INPP4B: variants seen among roughly 807,000 people sequenced by gnomAD.
INPP4B encodes the protein inositol polyphosphate 4-phosphatase type II.
INPP4B carries 55 observed loss-of-function variants against 122.5 expected under a neutral mutation model. The observed-to-expected ratio is 0.45, with a 90% CI of 0.36 to 0.56. The LOEUF (loss-of-function observed/expected upper bound fraction) is 0.56. Among genes scored for constraint, INPP4B ranks in the 20% least tolerant of loss-of-function variants. INPP4B has a pLI of 0.00. For missense variants in INPP4B, 1,000 were observed against 1,097.7 expected, an observed-to-expected ratio of 0.91 and a Z score of 1.26; for synonymous variants, 403 against 388.7, an observed-to-expected ratio of 1.04 and a Z score of -0.43.
chr4:142,590,959 A>G (rs2150247064), intron 2 of INPP4B, among the ~76,000 whole-genome samples: 1 of 151,988 alleles, frequency 6.6e-6, no homozygotes, highest in Non-Finnish European at 1.5e-5. Context: ...GGATGTGAAA[A>G]GAAGTATAGA....
At chr4:142,203,392 T>C (rs1251695960) in intron 14 of INPP4B, among the ~76,000 whole-genome samples, 1 of 152,044 alleles carries the variant, frequency 6.6e-6, no homozygotes, top group Non-Finnish European at 1.5e-5. Context: ...CTATTGTATA[T>C]CTATAGCATA....
chr4:142,357,110 T>G (rs769852106), intron 7 of INPP4B, among the ~76,000 whole-genome samples: 4 of 152,042 alleles, frequency 2.6e-5, no homozygotes, highest in Non-Finnish European at 5.9e-5. Flanking sequence ...TAAAATATCC[T>G]TTGTGATAAA....
chr4:142,572,785 G>C (rs1733102212), intron 2 of INPP4B, among the ~76,000 whole-genome samples: 1 of 151,790 alleles, frequency 6.6e-6, no homozygotes, highest in Non-Finnish European at 1.5e-5. Context: ...ATGTTTATGA[G>C]TACCATAATT....
At chr4:142,541,468 C>T (rs1246746958) in intron 2 of INPP4B, among the ~76,000 whole-genome samples, 1 of 152,140 alleles carries the variant, frequency 6.6e-6, no homozygotes, top group East Asian at 1.9e-4. Flanking sequence ...AATGCACAAA[C>T]CCCTAGGGAT....
intron 2 of INPP4B, chr4:142,514,310 T>C (rs1291168378): frequency 6.6e-6 from 1 of 152,208 alleles, no homozygotes. Flanking sequence ...GAAAGCCACT[T>C]AGAAGCCAAT....
chr4:142,237,463 C>T (rs1857160211), intron 12 of INPP4B, among the ~76,000 whole-genome samples: 1 of 151,782 alleles, frequency 6.6e-6, no homozygotes, highest in African/African-American at 2.4e-5. Context: ...TTATATAACC[C>T]CAATATATCC....
intron 1 of INPP4B, among the ~76,000 whole-genome samples, chr4:142,736,172 T>G (rs1190971409): frequency 6.6e-6 from 1 of 152,078 alleles, no homozygotes; most frequent in Non-Finnish European, 1.5e-5. Context: ...TGAGTCAGAT[T>G]CTTCATTTCA....
Position 142,425,874 on chromosome 4 carries a change from C to A in INPP4B, c.136+3299G>T, listed in dbSNP as rs562401438. Among the ~76,000 whole-genome samples the A allele has an allele frequency of 2.4e-4, 37 of 152,058 alleles. No homozygotes were observed. In the South Asian group the frequency reaches 7.7e-3, roughly 32 times the overall value. On this transcript the variant is annotated intron_variant, in intron 5 of 25. Transcript: ENST00000262992. ...TAATGCTTTCACTCTAGCTTCCAAG[C>A]CCCCATTCGTATCACAATCAACCCC...
intron 7 of INPP4B, among the ~76,000 whole-genome samples, chr4:142,377,630 G>A (rs1441501512): frequency 1.3e-5 from 2 of 151,984 alleles, no homozygotes; most frequent in African/African-American, 4.8e-5. Flanking sequence ...TGAGAATCAG[G>A]TATCAAAATG....
intron 2 of INPP4B, among the ~76,000 whole-genome samples, chr4:142,597,611 G>C (rs1159834868): frequency 6.6e-6 from 1 of 152,118 alleles, no homozygotes; most frequent in African/African-American, 2.4e-5. Flanking sequence ...AATCAGACAT[G>C]CTGCATATAA....
chr4:142,306,042 G>T, intron 8 of INPP4B: 1 of 512,388 alleles, frequency 2.0e-6, no homozygotes, highest in South Asian at 8.2e-5. Context: ...ATGTTTAAAA[G>T]CATTTTTCCT....
At chr4:142,167,086 T>A (rs974224232) in intron 16 of INPP4B, among the ~76,000 whole-genome samples, 15 of 151,912 alleles carry the variant, frequency 9.9e-5, no homozygotes, top group African/African-American at 3.6e-4. Context: ...TAAAGATACA[T>A]GCTCATGTAT....
intron 20 of INPP4B, 130 bp downstream of exon 20, chr4:142,123,162 A>G: frequency 1.4e-6 from 1 of 729,362 alleles, no homozygotes; most frequent in Non-Finnish European, 2.1e-6. Context: ...AAAAACTGAA[A>G]GTTATATTAT....
chr4:142,074,226 T>C (rs564475063), intron 25 of INPP4B, among the ~76,000 whole-genome samples: 1 of 152,290 alleles, frequency 6.6e-6, no homozygotes, highest in African/African-American at 2.4e-5. Flanking sequence ...AAACCTTTCA[T>C]AATTTGCAAT....
chr4:142,041,488 G>A (rs1420890781), intron 25 of INPP4B, among the ~76,000 whole-genome samples: 1 of 151,764 alleles, frequency 6.6e-6, no homozygotes, highest in African/African-American at 2.4e-5. Context: ...CTTGGTGGCG[G>A]GCACCTGTAA....
chr4:142,664,555 TAAC>T (rs1210235858), intron 2 of INPP4B, among the ~76,000 whole-genome samples: 1 of 151,608 alleles, frequency 6.6e-6, no homozygotes, highest in African/African-American at 2.4e-5. Context: ...ACACGAAGAC[TAAC>T]AACAAATAAT....
chr4:142,430,759 A>T (rs944128685), intron 4 of INPP4B, among the ~76,000 whole-genome samples: 1 of 152,074 alleles, frequency 6.6e-6, no homozygotes, highest in African/African-American at 2.4e-5. Context: ...AATGCTTTCA[A>T]CTTAAGTACC....
intron 2 of INPP4B, among the ~76,000 whole-genome samples, chr4:142,716,891 T>G (rs566618742): frequency 6.6e-6 from 1 of 152,300 alleles, no homozygotes; most frequent in South Asian, 2.1e-4. Context: ...GCCTTCTCCT[T>G]CTTAGAACCC....
chr4:142,048,664 A>T (rs1021122637), intron 25 of INPP4B, among the ~76,000 whole-genome samples: 7 of 152,054 alleles, frequency 4.6e-5, no homozygotes, highest in Admixed American at 4.6e-4. Context: ...GTGCTCTGAT[A>T]AAGGGATGAG....
Sources: allele counts gnomAD v4.1 joint callset (sites outside exome capture counted in the v4.1 genomes callset), GRCh38; gene constraint gnomAD v4.1.1; transcripts MANE v1.5; gene names NCBI Gene and HGNC (gene_info 2026-07-23, HGNC 2026-07-21).